The following SMC6 variants were observed in gnomAD, a reference collection of about 807,000 sequenced individuals.
The protein encoded by SMC6 is structural maintenance of chromosomes 6.
A neutral mutation model predicts 142.2 loss-of-function variants in SMC6; 79 were observed. The observed-to-expected ratio is 0.56, with a 90% CI of 0.46 to 0.67. SMC6 has a LOEUF of 0.67. Ranked by LOEUF, SMC6 falls within the 30% of genes least tolerant of loss-of-function variation. SMC6 has a pLI of 0.00. For missense variants in SMC6, 1,072 were observed against 1,284.0 expected (o/e 0.83, Z 2.52); for synonymous variants, 411 against 412.4 (o/e 1.00, Z 0.04).
intron 6 of SMC6, 123 bp downstream of exon 6, chr2:17,731,618 A>G (rs200871821): frequency 2.3e-6 from 2 of 882,946 alleles, no homozygotes; most frequent in South Asian, 1.7e-5. Flanking sequence ...GTGTGTGTAT[A>G]TATATATGCA....
At chr2:17,674,231 C>T (rs532146362) in intron 25 of SMC6, among the ~76,000 whole-genome samples, 1 of 152,108 alleles carries the variant, frequency 6.6e-6, no homozygotes, top group Non-Finnish European at 1.5e-5. Flanking sequence ...ATGGCTGTAT[C>T]ATACAAGTTT....
rs1023467536 is a variant in SMC6 at position 17,668,607 on chromosome 2, T to G, written c.3063+1816A>C. 2.6e-5 allele frequency among the ~76,000 whole-genome samples: 4 copies of G among 152,068 alleles called. No homozygotes were observed. In the East Asian group the frequency reaches 5.8e-4, roughly 22 times the overall value. On this transcript the variant is annotated intron_variant, in intron 26 of 27. Coordinates refer to ENST00000448223, the MANE Select transcript of SMC6 (RefSeq NM_001142286.2). Reference sequence around the variant, plus strand: ...AAAAGTATAAAAGTAATATATATTATGAGTTGATGTAAGGTGGTGCAAAGG... The same window carrying G: ...AAAAGTATAAAAGTAATATATATTAGGAGTTGATGTAAGGTGGTGCAAAGG...
intron 21 of SMC6, among the ~76,000 whole-genome samples, chr2:17,699,843 G>T (rs1169264022): frequency 6.6e-6 from 1 of 152,074 alleles, no homozygotes; most frequent in African/African-American, 2.4e-5. Context: ...GGCTTTTACA[G>T]CAACTAATCT....
chr2:17,684,773 C>T (rs1317880793), intron 23 of SMC6, among the ~76,000 whole-genome samples: 2 of 152,114 alleles, frequency 1.3e-5, no homozygotes, highest in Non-Finnish European at 2.9e-5. Context: ...CTGCAGTGAG[C>T]CATGATTGTA....
At chr2:17,685,638 T>C (rs143460835) in intron 23 of SMC6, among the ~76,000 whole-genome samples, 7 of 151,638 alleles carry the variant, frequency 4.6e-5, no homozygotes, top group African/African-American at 1.5e-4. Flanking sequence ...AATGGACATA[T>C]AGAAGTACTA....
chr2:17,715,098 T>C, intron 15 of SMC6, 33 bp from the exon 16 acceptor site: 2 of 1,588,310 alleles, frequency 1.3e-6, no homozygotes, highest in Non-Finnish European at 1.7e-6. Context: ...GAAGGGCTCA[T>C]AAATACTTAT....
intron 2 of SMC6, among the ~76,000 whole-genome samples, chr2:17,752,538 TTG>T (rs1283847130): frequency 6.6e-6 from 1 of 152,216 alleles, no homozygotes; most frequent in Non-Finnish European, 1.5e-5. Context: ...TTCTGGCTTT[TTG>T]TGATATAAAT....
At chr2:17,743,901 T>A (rs780087970) in intron 3 of SMC6, among the ~76,000 whole-genome samples, 5 of 152,220 alleles carry the variant, frequency 3.3e-5, no homozygotes, top group Admixed American at 6.5e-5. Flanking sequence ...GGTTCCTCTA[T>A]GTCTTTTCAT....
chr2:17,712,429 A>G (rs1191611924), intron 16 of SMC6, among the ~76,000 whole-genome samples: 1 of 152,220 alleles, frequency 6.6e-6, no homozygotes, highest in Non-Finnish European at 1.5e-5. Context: ...AGCCTCAGAC[A>G]GAAAGAATCT....
At chr2:17,668,263 A>C (rs1213329814) in intron 26 of SMC6, among the ~76,000 whole-genome samples, 2 of 152,214 alleles carry the variant, frequency 1.3e-5, no homozygotes, top group African/African-American at 4.8e-5. Flanking sequence ...ATCTTCTATG[A>C]CTCGTGATTA....
chr2:17,718,041 G>A lies in SMC6; in HGVS notation c.1092+36C>T, dbSNP rs201008239. Reference sequence around the variant, plus strand: ...AGAACAGCCTTTATATTTGCTGTGTGGCTTTTAAAATTCCAGTTTAGAAAA... The same window carrying A: ...AGAACAGCCTTTATATTTGCTGTGTAGCTTTTAAAATTCCAGTTTAGAAAA... On this transcript the variant is annotated intron_variant, in intron 12 of 27. Coordinates refer to ENST00000448223, the MANE Select transcript of SMC6 (RefSeq NM_001142286.2). 3.8e-6 allele frequency: 6 copies of A among 1,575,074 alleles called. No individual in the cohort carries two copies. In the East Asian group the frequency reaches 1.4e-4, roughly 36 times the overall value.
At chr2:17,704,293 A>G (rs761814093) in intron 18 of SMC6, among the ~76,000 whole-genome samples, 4 of 152,232 alleles carry the variant, frequency 2.6e-5, no homozygotes, top group Non-Finnish European at 5.9e-5. Flanking sequence ...ACAGAGAGTG[A>G]TTAAAACAGA....
At chr2:17,683,930 T>C (rs530223407) in intron 23 of SMC6, among the ~76,000 whole-genome samples, 167 bp from the exon 24 acceptor site, 1 of 152,080 alleles carries the variant, frequency 6.6e-6, no homozygotes, top group South Asian at 2.1e-4. Flanking sequence ...ACTCCCAGAA[T>C]GAAAGGGTGG....
At chr2:17,708,862 T>C in intron 16 of SMC6, 109 bp from the exon 17 acceptor site, 3 of 313,182 alleles carry the variant, frequency 9.6e-6, no homozygotes, top group Non-Finnish European at 1.7e-5. Flanking sequence ...CCATATATAT[T>C]TGTAATGGGG....
In SMC6 at chr2:17,715,168, T is replaced by C. The variant is rs1290453576; in HGVS notation, c.1526-103A>G. 38 of 1,059,204 alleles carry C rather than the reference T, an allele frequency of 3.6e-5. No individual in the cohort carries two copies. In the South Asian group the frequency reaches 5.2e-4, roughly 14 times the overall value. 65.6% of individuals were successfully genotyped at this position (1,059,204 alleles called of 1,614,324 possible). A position where few individuals can be genotyped will look rare whatever the true frequency, so the allele number is the denominator to read the frequency against. On this transcript the variant is annotated intron_variant, in intron 15 of 27. Coordinates refer to ENST00000448223, the MANE Select transcript of SMC6 (RefSeq NM_001142286.2). ...CATATAAATGACTTATATTTTTATA[T>C]AAAGCAGTTTAAATGACTTTACAGA...
chr2:17,724,556 C>T (rs1669524861), intron 9 of SMC6, among the ~76,000 whole-genome samples: 1 of 152,172 alleles, frequency 6.6e-6, no homozygotes, highest in Admixed American at 6.5e-5. Flanking sequence ...GCTGGATAAA[C>T]AGCTATAATG....
intron 25 of SMC6, among the ~76,000 whole-genome samples, chr2:17,678,509 GATA>G (rs1276466918): frequency 6.6e-6 from 1 of 150,470 alleles, no homozygotes; most frequent in Non-Finnish European, 1.5e-5. Context: ...GGCTCACACC[GATA>G]ATCCCAGCAC....
intron 7 of SMC6, among the ~76,000 whole-genome samples, chr2:17,730,232 C>T (rs114392167): frequency 0.02 from 3,096 of 152,266 alleles, 85 homozygotes; most frequent in Non-Finnish European, 0.023. Context: ...TATAGAACTA[C>T]ATGTACCCTA....
rs2574992 is a variant in SMC6 at position 17,691,819 on chromosome 2, C to A, written c.2678+3333G>T. ...GATTGTATATCTAGAAAACCCCATC[C>A]TCTCAGCCCAAAATCTCCTTAAGCT... On this transcript the variant is annotated intron_variant, in intron 23 of 27. Coordinates refer to ENST00000448223, the MANE Select transcript of SMC6 (RefSeq NM_001142286.2). Among the ~76,000 whole-genome samples, 7 of 152,110 alleles carry A rather than the reference C, an allele frequency of 4.6e-5. No individual in the cohort carries two copies. The South Asian group carries it at 1.2e-3, about 27-fold the overall frequency.
Sources: gnomAD v4.1 joint callset for allele counts (sites outside exome capture counted in the v4.1 genomes callset) on GRCh38, gnomAD v4.1.1 for gene constraint, MANE v1.5 for transcripts, NCBI Gene and HGNC (gene_info 2026-07-23, HGNC 2026-07-21) for gene names.